The following ABCA13 variants were observed in gnomAD, a reference collection of about 807,000 sequenced individuals.
ABCA13 encodes ATP binding cassette subfamily A member 13.
ABCA13 carries 476 observed loss-of-function variants against 478.7 expected under a neutral mutation model. The observed-to-expected ratio is 0.99, with a 90% CI of 0.92 to 1.07. The LOEUF is 1.07. ABCA13 is among the 50% of genes least tolerant of loss of function. The pLI is 0.00. For synonymous variants in ABCA13, 2,252 were observed against 2,158.9 expected (o/e 1.04, Z -1.20); for missense variants, 6,060 against 5,910.6 (o/e 1.03, Z -0.83).
chr7:48,389,124 G>A lies in ABCA13; in HGVS notation c.11558G>A (p.Gly3853Asp), dbSNP rs1289545118. Residue 3853 changes from glycine to aspartate, a missense_variant, in exon 37 of 62, where the codon GGC becomes GAC. Physicochemically the swap from Gly to Asp is moderately conservative, Grantham distance 94. Coordinates refer to ENST00000435803, the MANE Select transcript of ABCA13 (RefSeq NM_152701.5). ...GTGTCTGTGACCAAGGAATATGAGG[G>A]CCACAAGGCTGTGGTCCAAGACCTC... ...TLVSVTKEYE[G>D]HKAVVQDLSL... 1.2e-6 allele frequency: 2 copies of A among 1,613,798 alleles called. No homozygotes were observed. The highest frequency in any genetic ancestry group is 3.3e-5 in the Admixed American group (2 of 59,996).
chr7:48,499,584 T>G (rs1320902143), intron 48 of ABCA13, among the ~76,000 whole-genome samples: 1 of 152,142 alleles, frequency 6.6e-6, no homozygotes, highest in Non-Finnish European at 1.5e-5. Flanking sequence ...GAACACTAAA[T>G]GAGAAAACTA....
chr7:48,496,692 AT>A (rs1231164791), intron 48 of ABCA13, among the ~76,000 whole-genome samples: 3 of 152,136 alleles, frequency 2.0e-5, no homozygotes, highest in Non-Finnish European at 4.4e-5. Flanking sequence ...TTCTTGAAAG[AT>A]ATTTTCACTG....
At chr7:48,231,819 G>A (rs146820011) in intron 7 of ABCA13, among the ~76,000 whole-genome samples, 1,944 of 152,096 alleles carry the variant, frequency 0.013, 23 homozygotes, top group Middle Eastern at 0.037. Context: ...GCATCACCAC[G>A]CCTGGCTAAT....
In ABCA13 at chr7:48,620,746, C is replaced by T. The variant is rs560324254; in HGVS notation, c.14837+5369C>T. 1.2e-4 allele frequency among the ~76,000 whole-genome samples: 18 copies of T among 152,262 alleles called. No individual in the cohort carries two copies. In the East Asian group the frequency reaches 2.9e-3, roughly 24 times the overall value. ...CCTATGGCCAGATCTGAAACGTGTCCTGCTCAGTGGCTAAGAGGAGGCAGG... is the reference window on the plus strand; with the variant it reads ...CCTATGGCCAGATCTGAAACGTGTCTTGCTCAGTGGCTAAGAGGAGGCAGG... On this transcript the variant is annotated intron_variant, in intron 59 of 61. Coordinates refer to ENST00000435803, the MANE Select transcript of ABCA13 (RefSeq NM_152701.5).
At chr7:48,520,014 A>AT (rs774031218) in intron 52 of ABCA13, 27 bp from the exon 53 acceptor site, 76 of 1,572,362 alleles carry the variant, frequency 4.8e-5, no homozygotes, top group Admixed American at 7.4e-5. Flanking sequence ...TTTTAATTGG[A>AT]TTTTTTTTCT....
chr7:48,268,317 C>T (rs902313559), intron 15 of ABCA13, among the ~76,000 whole-genome samples: 10 of 151,954 alleles, frequency 6.6e-5, no homozygotes, highest in East Asian at 1.9e-4. Context: ...CCACCACACC[C>T]GGCTAATTTT....
intron 31 of ABCA13, among the ~76,000 whole-genome samples, chr7:48,354,085 A>G (rs1809493755): frequency 6.6e-6 from 1 of 151,984 alleles, no homozygotes; most frequent in African/African-American, 2.4e-5. Flanking sequence ...CCCAGTGCAA[A>G]CACCTGAGAG....
At chr7:48,415,506 T>C (rs964393145) in intron 41 of ABCA13, among the ~76,000 whole-genome samples, 5 of 152,288 alleles carry the variant, frequency 3.3e-5, no homozygotes, top group Admixed American at 2.6e-4. Flanking sequence ...TGTAGGAATA[T>C]GGACCAAGCA....
intron 16 of ABCA13, among the ~76,000 whole-genome samples, chr7:48,270,981 G>C (rs940735083): frequency 2.6e-5 from 4 of 152,078 alleles, no homozygotes; most frequent in African/African-American, 9.7e-5. Context: ...CCTGCGTCGC[G>C]AGATCATTCA....
intron 48 of ABCA13, among the ~76,000 whole-genome samples, chr7:48,491,950 A>G (rs1029088028): frequency 6.6e-6 from 1 of 152,206 alleles, no homozygotes; most frequent in African/African-American, 2.4e-5. Flanking sequence ...CTCAGGGGAC[A>G]TTCAGGCTAT....
In ABCA13 at chr7:48,518,744, T is replaced by C. The variant is rs529750790; in HGVS notation, c.13798-1297T>C. ...TTATGGAGCTTTGTAGCATTAATTCTTATAGAATTAATGAAAGAAACCAAA... is the reference window on the plus strand; with the variant it reads ...TTATGGAGCTTTGTAGCATTAATTCCTATAGAATTAATGAAAGAAACCAAA... On this transcript the variant is annotated intron_variant, in intron 52 of 61. Transcript: ENST00000435803. Among the ~76,000 whole-genome samples the C allele has an allele frequency of 2.9e-4, 44 of 152,300 alleles. 1 individual carries two copies. In the South Asian group the frequency reaches 8.9e-3, roughly 31 times the overall value.
intron 59 of ABCA13, among the ~76,000 whole-genome samples, chr7:48,635,262 A>C (rs1179695290): frequency 1.3e-5 from 2 of 151,672 alleles, no homozygotes; most frequent in Non-Finnish European, 2.9e-5. Context: ...ACAACAAAAC[A>C]GTCCCTTTGG....
At chr7:48,298,262 G>T (rs767069702) in intron 22 of ABCA13, 104 bp from the exon 23 acceptor site, 1 of 1,090,084 alleles carries the variant, frequency 9.2e-7, no homozygotes, top group African/African-American at 1.6e-5. Context: ...TGAATGGTGT[G>T]AAAGAAACTA....
intron 29 of ABCA13, among the ~76,000 whole-genome samples, chr7:48,339,590 A>C (rs1227081420): frequency 6.6e-6 from 1 of 152,226 alleles, no homozygotes; most frequent in Non-Finnish European, 1.5e-5. Flanking sequence ...CCAACAGTAC[A>C]TTTGAATAGG....
At chr7:48,462,444 C>CCG (rs34969052) in intron 43 of ABCA13, among the ~76,000 whole-genome samples, 11 of 89,034 alleles carry the variant, frequency 1.2e-4, no homozygotes, top group Admixed American at 5.0e-4. Flanking sequence ...GTAAAGGATT[C>CCG]CCCCCCCCCT....
rs1303114884 is a variant in ABCA13, at chr7:48,271,930, C to T, written c.2264C>T (p.Pro755Leu). Reference protein sequence around the residue: ...LPNLFDSSIVPSFHSLPSLTE... With the variant: ...LPNLFDSSIVLSFHSLPSLTE... The stretch of plus-strand genomic sequence containing the variant: ...AATCTTTTTGACTCCTCCATTGTTC[C>T]CAGTTTCCACAGCCTCCCATCTCTC... Residue 755 changes from proline (P) to leucine (L), a missense_variant, in exon 17 of 62, where the codon CCC becomes CTC. By Grantham distance (98) the Pro-to-Leu change is moderately conservative (BLOSUM62 -3). Coordinates refer to ENST00000435803, the MANE Select transcript of ABCA13 (RefSeq NM_152701.5). 6.2e-7 allele frequency: 1 copy of T among 1,613,394 alleles called. No individual in the cohort carries two copies. Among genetic ancestry groups the T allele is most frequent in the Non-Finnish European group, 8.5e-7 (1 of 1,179,646 alleles).
intron 58 of ABCA13, among the ~76,000 whole-genome samples, chr7:48,597,361 C>T (rs74343446): frequency 0.017 from 2,601 of 152,292 alleles, 91 homozygotes; most frequent in African/African-American, 0.06. Flanking sequence ...TATCCATTCA[C>T]CAGTTGATAA....
rs1239768374 is a variant in ABCA13 at position 48,622,622 on chromosome 7, A to G, written c.14837+7245A>G. ...CCCTTTCCTAATTGTCCTCATCCTCATCTTTTATCTCTTTTGTCTTCACCA... is the reference window on the plus strand; with the variant it reads ...CCCTTTCCTAATTGTCCTCATCCTCGTCTTTTATCTCTTTTGTCTTCACCA... On this transcript the variant is annotated intron_variant, in intron 59 of 61. Coordinates refer to ENST00000435803, the MANE Select transcript of ABCA13 (RefSeq NM_152701.5). 6.6e-5 allele frequency among the ~76,000 whole-genome samples: 10 copies of G among 152,032 alleles called. No individual in the cohort carries two copies. The East Asian group carries it at 1.2e-3, about 18-fold the overall frequency.
intron 15 of ABCA13, among the ~76,000 whole-genome samples, chr7:48,267,780 T>C (rs1795060672): frequency 6.6e-6 from 1 of 152,186 alleles, no homozygotes; most frequent in Admixed American, 6.5e-5. Flanking sequence ...CATTTTTGAT[T>C]GATTAATTTT....
Sources: gnomAD v4.1 joint callset for allele counts (sites outside exome capture counted in the v4.1 genomes callset) on GRCh38, gnomAD v4.1.1 for gene constraint, MANE v1.5 for transcripts, NCBI Gene and HGNC (gene_info 2026-07-23, HGNC 2026-07-21) for gene names.